The following GALNT13 variants were observed in gnomAD, a reference collection of about 807,000 sequenced individuals.
GALNT13 encodes UDP-GalNAc:polypeptide N-acetylgalactosaminyltransferase 13.
GALNT13 carries 28 observed loss-of-function variants against 64.2 expected under a neutral mutation model. The ratio of observed to expected loss-of-function variants is 0.44; its 90% confidence interval spans 0.32 to 0.60. GALNT13 has a LOEUF of 0.60. Among genes scored for constraint, GALNT13 ranks in the 20% least tolerant of loss-of-function variants. GALNT13 has a pLI of 0.05. For missense variants in GALNT13, 577 were observed against 669.8 expected, an observed-to-expected ratio of 0.86 and a Z score of 1.53; for synonymous variants, 214 against 224.6, an observed-to-expected ratio of 0.95 and a Z score of 0.42.
chr2:153,772,846 A>G, the GALNT13 span, among the ~76,000 whole-genome samples: 1 of 152,082 alleles, frequency 6.6e-6, no homozygotes, highest in South Asian at 2.1e-4. Flanking sequence ...GCCAGATGGT[A>G]ACAACCCTGG....
At chr2:153,221,230 G>A in the GALNT13 span, among the ~76,000 whole-genome samples, 1 of 152,046 alleles carries the variant, frequency 6.6e-6, no homozygotes, top group African/African-American at 2.4e-5. Flanking sequence ...GCTGTGAGCC[G>A]AGATTGCGCC....
At chr2:153,998,514 G>T (rs1218146806) in intron 3 of GALNT13, among the ~76,000 whole-genome samples, 3 of 152,052 alleles carry the variant, frequency 2.0e-5, no homozygotes, top group Non-Finnish European at 2.9e-5. Context: ...TTGTAAATTT[G>T]TTTAAGATCT....
At chr2:153,467,193 T>C in the GALNT13 span, among the ~76,000 whole-genome samples, 1 of 152,064 alleles carries the variant, frequency 6.6e-6, no homozygotes, top group African/African-American at 2.4e-5. Flanking sequence ...AAAATATATA[T>C]GTTTTAACCT....
At chr2:154,014,269 G>A (rs963005116) in intron 3 of GALNT13, among the ~76,000 whole-genome samples, 2 of 152,100 alleles carry the variant, frequency 1.3e-5, no homozygotes, top group Admixed American at 6.5e-5. Context: ...AGCAGCTCTC[G>A]CTGCCAGATC....
At chr2:153,643,438 T>G in the GALNT13 span, among the ~76,000 whole-genome samples, 162 of 151,576 alleles carry the variant, frequency 1.1e-3, no homozygotes, top group African/African-American at 3.7e-3. Context: ...CAAAACCAAT[T>G]CTAGATTTGT....
chr2:154,031,238 G>A (rs1391452404), intron 3 of GALNT13, among the ~76,000 whole-genome samples: 1 of 151,584 alleles, frequency 6.6e-6, no homozygotes, highest in Non-Finnish European at 1.5e-5. Flanking sequence ...CTTAAACTAG[G>A]GTAAGTATTA....
intron 2 of GALNT13, among the ~76,000 whole-genome samples, chr2:153,923,044 C>T (rs576373665): frequency 2.0e-4 from 30 of 152,060 alleles, no homozygotes; most frequent in African/African-American, 6.7e-4. Flanking sequence ...GGATTACAGG[C>T]GCCTGCCACA....
rs575520761 is a variant in GALNT13 at position 154,095,116 on chromosome 2, G to A, written c.143-45221G>A. ...ACTAATGTTAGAAATGTTTTCAAAGGAAGAATTCCTACTGCAAATATCCAT... is the reference window on the plus strand; with the variant it reads ...ACTAATGTTAGAAATGTTTTCAAAGAAAGAATTCCTACTGCAAATATCCAT... On this transcript the variant is annotated intron_variant, in intron 3 of 12. Transcript: ENST00000392825. Among the ~76,000 whole-genome samples the A allele has an allele frequency of 1.3e-4, 19 of 151,824 alleles. No individual in the cohort carries two copies. In the East Asian group the frequency reaches 3.5e-3, roughly 28 times the overall value.
At chr2:153,270,445 A>T in the GALNT13 span, among the ~76,000 whole-genome samples, 1 of 152,214 alleles carries the variant, frequency 6.6e-6, no homozygotes. Flanking sequence ...CAAGTGATAG[A>T]GGTCAGATTA....
At chr2:153,761,162 T>C in the GALNT13 span, among the ~76,000 whole-genome samples, 1 of 152,154 alleles carries the variant, frequency 6.6e-6, no homozygotes, top group South Asian at 2.1e-4. Flanking sequence ...TGGGTCTTGT[T>C]TTTTAAATCA....
the GALNT13 span, among the ~76,000 whole-genome samples, chr2:153,847,610 A>T: frequency 4.0e-5 from 6 of 151,856 alleles, no homozygotes; most frequent in Non-Finnish European, 8.8e-5. Flanking sequence ...AATAACACAC[A>T]TCTAAATAAC....
At chr2:154,353,657 C>T (rs1010096341) in intron 9 of GALNT13, among the ~76,000 whole-genome samples, 1 of 152,142 alleles carries the variant, frequency 6.6e-6, no homozygotes, top group Non-Finnish European at 1.5e-5. Context: ...TAATTGAGAT[C>T]ATGCAACATT....
chr2:153,587,825 A>G, the GALNT13 span, among the ~76,000 whole-genome samples: 1 of 152,212 alleles, frequency 6.6e-6, no homozygotes, highest in Non-Finnish European at 1.5e-5. Flanking sequence ...CCACAGTCCA[A>G]AGTCTCATCT....
chr2:153,539,557 A>G, the GALNT13 span, among the ~76,000 whole-genome samples: 1 of 151,804 alleles, frequency 6.6e-6, no homozygotes, highest in African/African-American at 2.4e-5. Context: ...TCCATCTTGA[A>G]TTGATTTTTG....
the GALNT13 span, among the ~76,000 whole-genome samples, chr2:153,847,210 T>C: frequency 2.0e-5 from 3 of 152,002 alleles, no homozygotes; most frequent in Non-Finnish European, 4.4e-5. Context: ...AAATTATAAT[T>C]TTAATGCATC....
intron 9 of GALNT13, among the ~76,000 whole-genome samples, chr2:154,376,841 C>G (rs1255730300): frequency 1.3e-5 from 2 of 152,084 alleles, no homozygotes; most frequent in African/African-American, 4.8e-5. Flanking sequence ...GCCCCCTAAA[C>G]TATAGTAAAT....
At chr2:153,085,251 C>T in the GALNT13 span, among the ~76,000 whole-genome samples, 5 of 152,060 alleles carry the variant, frequency 3.3e-5, no homozygotes, top group Non-Finnish European at 4.4e-5. Context: ...TGACAATGAG[C>T]GAGAAAAGAA....
chr2:153,399,455 G>C, the GALNT13 span, among the ~76,000 whole-genome samples: 1 of 151,996 alleles, frequency 6.6e-6, no homozygotes, highest in Non-Finnish European at 1.5e-5. Flanking sequence ...TTCCAATTCT[G>C]TGAAGAAAGG....
chr2:154,140,193 A>G (rs1683178569), intron 3 of GALNT13, 144 bp from the exon 4 acceptor site: 3 of 574,334 alleles, frequency 5.2e-6, no homozygotes, highest in South Asian at 5.9e-5. Context: ...TGTGTGGTTT[A>G]TAATCAGTAA....
Sources: allele counts gnomAD v4.1 joint callset (sites outside exome capture counted in the v4.1 genomes callset), GRCh38; gene constraint gnomAD v4.1.1; transcripts MANE v1.5; gene names NCBI Gene and HGNC (gene_info 2026-07-23, HGNC 2026-07-21).